FHIT: variants seen among roughly 807,000 people sequenced by gnomAD.
FHIT encodes the protein fragile histidine triad diadenosine triphosphatase, also known as bis(5'-adenosyl)-triphosphatase.
In FHIT, 19 loss-of-function variants were observed where a neutral mutation model predicts 17.9. The observed-to-expected ratio is 1.06, with a 90% CI of 0.74 to 1.56. The LOEUF (loss-of-function observed/expected upper bound fraction) is 1.56, where lower values mean the gene tolerates loss of function less well. Ranked by LOEUF, FHIT falls within the 40% of genes most tolerant of loss-of-function variation. FHIT has a pLI of 0.00. For missense variants in FHIT, 248 were observed against 189.2 expected (o/e 1.31, Z -1.82); for synonymous variants, 81 against 69.7 (o/e 1.16, Z -0.81).
chr3:60,808,361 A>G (rs1276812303), intron 4 of FHIT, among the ~76,000 whole-genome samples: 17 of 152,154 alleles, frequency 1.1e-4, no homozygotes, highest in Non-Finnish European at 2.1e-4. Context: ...AATCTTGTCT[A>G]TGAGAATGAA....
intron 5 of FHIT, among the ~76,000 whole-genome samples, chr3:60,229,092 T>C (rs9819920): frequency 0.2 from 30,687 of 152,050 alleles, 3,617 homozygotes; most frequent in African/African-American, 0.33. Context: ...TCTTACTATG[T>C]TGCAGAAACT....
intron 5 of FHIT, among the ~76,000 whole-genome samples, chr3:60,426,841 T>A (rs1702686654): frequency 6.6e-6 from 1 of 152,136 alleles, no homozygotes; most frequent in East Asian, 1.9e-4. Context: ...TCTCTACGAC[T>A]TTTGGTCAGC....
At chr3:60,086,050 G>A (rs1354535399) in intron 5 of FHIT, among the ~76,000 whole-genome samples, 1 of 152,160 alleles carries the variant, frequency 6.6e-6, no homozygotes. Flanking sequence ...ATCTGCATCT[G>A]GTGAGGGCCT....
chr3:60,287,232 G>C (rs1350171726), intron 5 of FHIT, among the ~76,000 whole-genome samples: 2 of 152,136 alleles, frequency 1.3e-5, no homozygotes, highest in Non-Finnish European at 2.9e-5. Flanking sequence ...GCAGTGGCAA[G>C]ATCTTGCCTC....
rs537546551 is a variant in FHIT at position 60,871,082 on chromosome 3, G to A, written c.-110-49071C>T. Reference sequence around the variant, plus strand: ...AAGAAAAGGAATCCCATGTAAACCCGTTTCCATCTGTGGTTCTTGCCTTTC... The same window carrying A: ...AAGAAAAGGAATCCCATGTAAACCCATTTCCATCTGTGGTTCTTGCCTTTC... On this transcript the variant is annotated intron_variant, in intron 3 of 9. Coordinates refer to ENST00000492590, the MANE Select transcript of FHIT (RefSeq NM_002012.4). 5.3e-5 allele frequency among the ~76,000 whole-genome samples: 8 copies of A among 152,218 alleles called. No individual in the cohort carries two copies. The South Asian group carries it at 1.5e-3, about 28-fold the overall frequency.
chr3:60,754,638 A>T (rs2108039388), intron 4 of FHIT, among the ~76,000 whole-genome samples: 1 of 152,316 alleles, frequency 6.6e-6, no homozygotes, highest in South Asian at 2.1e-4. Flanking sequence ...TCTCAAAAAA[A>T]AAAAAGTACT....
chr3:60,307,089 A>C (rs2106737167), intron 5 of FHIT, among the ~76,000 whole-genome samples: 1 of 152,102 alleles, frequency 6.6e-6, no homozygotes, highest in East Asian at 1.9e-4. Flanking sequence ...CACACAACAA[A>C]ACTGAGAACA....
rs1170265476 is a variant in FHIT, at chr3:59,875,440, A to T, written c.348+46906T>A. Among the ~76,000 whole-genome samples, 2 of 151,922 alleles carry T rather than the reference A, an allele frequency of 1.3e-5. 1 individual carries two copies. The highest frequency in any genetic ancestry group is 1.3e-4 in the Admixed American group (2 of 15,268). ...AGCCATCCTGCCTGGCGTCCTCAAG[A>T]CTCTTGTCTGATACCAGGGCTCTCT... On this transcript the variant is annotated intron_variant, in intron 8 of 9. Coordinates refer to ENST00000492590, the MANE Select transcript of FHIT (RefSeq NM_002012.4).
chr3:60,598,645 C>CA (rs782188904), intron 4 of FHIT, among the ~76,000 whole-genome samples: 8 of 152,174 alleles, frequency 5.3e-5, no homozygotes, highest in Non-Finnish European at 1.2e-4. Flanking sequence ...CGCATATTAT[C>CA]AGCACCAAAA....
At chr3:61,162,453 G>C (rs1466358435) in intron 2 of FHIT, among the ~76,000 whole-genome samples, 1 of 152,182 alleles carries the variant, frequency 6.6e-6, no homozygotes, top group Non-Finnish European at 1.5e-5. Context: ...CAACATGGTG[G>C]ATCATACTCA....
At chr3:60,849,720 T>C (rs115735018) in intron 3 of FHIT, among the ~76,000 whole-genome samples, 2,371 of 152,090 alleles carry the variant, frequency 0.016, 66 homozygotes, top group African/African-American at 0.054. Flanking sequence ...ACCTATGCAC[T>C]TGGAGTCTTC....
intron 5 of FHIT, among the ~76,000 whole-genome samples, chr3:60,076,593 G>T (rs984202476): frequency 1.3e-5 from 2 of 151,940 alleles, no homozygotes; most frequent in African/African-American, 4.8e-5. Flanking sequence ...GGCATACTGT[G>T]ATTAGCAATG....
intron 5 of FHIT, among the ~76,000 whole-genome samples, chr3:60,152,107 C>T (rs1051259775): frequency 1.3e-5 from 2 of 152,144 alleles, no homozygotes; most frequent in African/African-American, 4.8e-5. Context: ...ACGTTCAGAT[C>T]CTACAAGGTC....
intron 5 of FHIT, among the ~76,000 whole-genome samples, chr3:60,141,532 G>A (rs1700039033): frequency 6.6e-6 from 1 of 152,146 alleles, no homozygotes; most frequent in Non-Finnish European, 1.5e-5. Flanking sequence ...ATCTAAAATG[G>A]CCTTTGCTTG....
At chr3:61,021,366 G>A (rs551957907) in intron 3 of FHIT, among the ~76,000 whole-genome samples, 136 of 151,446 alleles carry the variant, frequency 9.0e-4, no homozygotes, top group South Asian at 4.6e-3. Flanking sequence ...TTGGGAGGCC[G>A]AGGCGGGCGG....
rs56693496 is a variant in FHIT at position 60,382,636 on chromosome 3, T to A, written c.103+154224A>T. ...TAAACAACTATGCCACTGATAAAGC[T>A]CCATTCTTGAGTCCATATTATTCCC... On this transcript the variant is annotated intron_variant, in intron 5 of 9. Transcript: ENST00000492590. Among the ~76,000 whole-genome samples the A allele has an allele frequency of 8.7e-3, 1,321 of 152,298 alleles. 22 individuals carry two copies. The highest frequency in any genetic ancestry group is 0.03 in the African/African-American group (1,244 of 41,558).
At position 61,229,419 on chromosome 3, in the gene FHIT, G is replaced by A. The variant is rs532944997; in HGVS notation, c.-213+21882C>T. 3.4e-4 allele frequency among the ~76,000 whole-genome samples: 52 copies of A among 152,256 alleles called. 1 individual carries two copies. Among genetic ancestry groups the A allele is most frequent in the African/African-American group, 1.2e-3 (50 of 41,548 alleles). ...TGGCCCTGCCAACACCTTGATTTTG[G>A]ACTTCTGGCTTCCAGGACTGTGAGG... On this transcript the variant is annotated intron_variant, in intron 1 of 9. Coordinates refer to ENST00000492590, the MANE Select transcript of FHIT (RefSeq NM_002012.4).
chr3:61,231,705 C>G (rs1174914929), intron 1 of FHIT, among the ~76,000 whole-genome samples: 2 of 152,284 alleles, frequency 1.3e-5, no homozygotes, highest in South Asian at 2.1e-4. Context: ...TGGTGGCCAA[C>G]TCAGTTCTTC....
intron 8 of FHIT, among the ~76,000 whole-genome samples, chr3:59,832,318 C>G (rs1384764601): frequency 6.6e-6 from 1 of 152,140 alleles, no homozygotes; most frequent in African/African-American, 2.4e-5. Context: ...CCTGTGACAC[C>G]AGACGTCTTT....
Sources: allele counts gnomAD v4.1 joint callset (sites outside exome capture counted in the v4.1 genomes callset), GRCh38; gene constraint gnomAD v4.1.1; transcripts MANE v1.5; gene names NCBI Gene and HGNC (gene_info 2026-07-23, HGNC 2026-07-21).